The following PIK3CB variants were observed in gnomAD, a reference collection of about 807,000 sequenced individuals.
The protein encoded by PIK3CB is phosphatidylinositol-4,5-bisphosphate 3-kinase catalytic subunit beta.
PIK3CB carries 39 observed loss-of-function variants against 136.8 expected under a neutral mutation model. The observed-to-expected ratio is 0.29, with a 90% CI of 0.22 to 0.37. The LOEUF is 0.37. PIK3CB is among the 10% of genes least tolerant of loss of function. The probability of loss-of-function intolerance (pLI) is 1.00; values close to 1 mark genes in which losing one functional copy is unlikely to be tolerated. For synonymous variants in PIK3CB, 428 were observed against 436.6 expected (o/e 0.98, Z 0.25); for missense variants, 868 against 1,275.4 (o/e 0.68, Z 4.87).
At position 138,655,487 on chromosome 3, in the gene PIK3CB, T is replaced by C. The variant is rs2108382159; in HGVS notation, c.3115A>G (p.Lys1039Glu). 6.2e-7 allele frequency: 1 copy of C among 1,612,932 alleles called. No homozygotes were observed. The highest frequency in any genetic ancestry group is 8.5e-7 in the Non-Finnish European group (1 of 1,178,860). ...ALGKSEEEAL[K>E]QFKQKFDEAL... ...TCATCAAATTTTTGCTTAAACTGTT[T>C]GAGTGCTTCTTCTTCACTCTTCCCT... Residue 1039 changes from lysine (K) to glutamate (E), a missense_variant, in exon 24 of 24, where the codon AAA (lysine) becomes GAA (glutamate). Lys to Glu is a moderately conservative substitution (Grantham distance 56). This residue lies in a region of PIK3CB where 88 missense variants were observed against 147.8 expected (regional missense o/e 0.60). Transcript: ENST00000674063.
At position 138,755,753 on chromosome 3, in the gene PIK3CB, C is replaced by T. The variant is rs1452057850; in HGVS notation, c.397+1G>A. The T allele has an allele frequency of 2.8e-6, 4 of 1,428,526 alleles. No individual in the cohort carries two copies. The highest frequency in any genetic ancestry group is 2.0e-6 in the Non-Finnish European group (2 of 1,020,630). 88.5% of individuals were successfully genotyped at this position (1,428,526 alleles called of 1,614,324 possible). ...TACTTTTTTTTTATTTTTTAATTTA[C>T]CTTTTCCTATAAGGACTCCAATTTT... is the stretch of plus-strand genomic sequence containing the variant. On this transcript the variant is annotated splice_donor_variant, in intron 4 of 23. Coordinates refer to ENST00000674063, the MANE Select transcript of PIK3CB (RefSeq NM_006219.3). LOFTEE classifies it high-confidence loss of function.
intron 14 of PIK3CB, among the ~76,000 whole-genome samples, chr3:138,691,402 G>A (rs939853242): frequency 2.0e-5 from 3 of 152,124 alleles, no homozygotes; most frequent in African/African-American, 4.8e-5. Context: ...TTGTGATATG[G>A]TCTGGCTTTT....
At chr3:138,815,200 T>C (rs1036391246) in intron 1 of PIK3CB, among the ~76,000 whole-genome samples, 7 of 52,506 alleles carry the variant, frequency 1.3e-4, no homozygotes, top group African/African-American at 5.3e-4. Context: ...TACAAAAAAA[T>C]ACAAAAATTG....
rs542279911 is a variant in PIK3CB, at chr3:138,818,202, T to C, written c.-122+16493A>G. Among the ~76,000 whole-genome samples the C allele has an allele frequency of 1.1e-3, 171 of 152,300 alleles. 1 individual carries two copies. The highest frequency in any genetic ancestry group is 4.0e-3 in the African/African-American group (168 of 41,568). On this transcript the variant is annotated intron_variant, in intron 1 of 23. Coordinates refer to ENST00000674063, the MANE Select transcript of PIK3CB (RefSeq NM_006219.3). ...CCAGAGAATAAAATCATGGAGGTCC[T>C]GACTTCATGACTCCCTATTATTCAC...
intron 1 of PIK3CB, among the ~76,000 whole-genome samples, chr3:138,799,584 A>G (rs1664373753): frequency 6.6e-6 from 1 of 152,116 alleles, no homozygotes; most frequent in African/African-American, 2.4e-5. Flanking sequence ...TACAACTATG[A>G]ACTACTAAGA....
chr3:138,832,410 G>A (rs1428614689), intron 1 of PIK3CB, among the ~76,000 whole-genome samples: 1 of 151,960 alleles, frequency 6.6e-6, no homozygotes, highest in Non-Finnish European at 1.5e-5. Context: ...TTTTACTTTC[G>A]GCCGGTCGCG....
rs372172056 is a variant in PIK3CB at position 138,655,577 on chromosome 3, G to A, written c.3076-51C>T. ...TTTTATATAACTTTAGTAGAGATGT[G>A]CAAATATCAAAGTCTGCAGGAGGCT... On this transcript the variant is annotated intron_variant, in intron 23 of 23. Coordinates refer to ENST00000674063, the MANE Select transcript of PIK3CB (RefSeq NM_006219.3). The A allele has an allele frequency of 2.9e-5, 42 of 1,453,658 alleles. No homozygotes were observed. The African/African-American group carries it at 5.3e-4, about 18-fold the overall frequency. The allele number at this position is 1,453,658 out of a possible 1,614,324, so 90.0% of individuals were successfully genotyped here.
At chr3:138,748,381 T>TC (rs1343294337) in intron 4 of PIK3CB, among the ~76,000 whole-genome samples, 3 of 152,130 alleles carry the variant, frequency 2.0e-5, no homozygotes. Context: ...CCCTTTTTTT[T>TC]CACTGTAAAG....
At chr3:138,671,555 G>A (rs920874972) in intron 19 of PIK3CB, among the ~76,000 whole-genome samples, 1 of 152,228 alleles carries the variant, frequency 6.6e-6, no homozygotes, top group African/African-American at 2.4e-5. Context: ...TCTCACAGCA[G>A]TGGCTCAGGA....
intron 1 of PIK3CB, among the ~76,000 whole-genome samples, chr3:138,817,558 G>A (rs1933390616): frequency 6.6e-6 from 1 of 152,074 alleles, no homozygotes; most frequent in Non-Finnish European, 1.5e-5. Flanking sequence ...GTAGAGAAGA[G>A]CATTAATTAA....
At position 138,752,527 on chromosome 3, in the gene PIK3CB, TG is replaced by T. The variant is rs2045491597; in HGVS notation, c.397+3226del. Among the ~76,000 whole-genome samples the T allele has an allele frequency of 3.9e-5, 6 of 152,282 alleles. No homozygotes were observed. The East Asian group carries it at 1.2e-3, about 29-fold the overall frequency. On this transcript the variant is annotated intron_variant, in intron 4 of 23. Transcript: ENST00000674063. ...AAATAAATGTTAACATTTAAATTTG[TG>T]TATATAATCAAAATGCCAAAGAATA...
intron 2 of PIK3CB, among the ~76,000 whole-genome samples, chr3:138,781,838 C>T (rs2045927194): frequency 6.6e-6 from 1 of 152,128 alleles, no homozygotes; most frequent in Admixed American, 6.6e-5. Flanking sequence ...AAGAGGATCA[C>T]TTGACGCCAG....
At chr3:138,755,221 T>C (rs1559863831) in intron 4 of PIK3CB, among the ~76,000 whole-genome samples, 1 of 152,248 alleles carries the variant, frequency 6.6e-6, no homozygotes, top group Non-Finnish European at 1.5e-5. Context: ...AATATGTTCA[T>C]TCTATAGGAG....
At chr3:138,826,961 C>T (rs186860654) in intron 1 of PIK3CB, among the ~76,000 whole-genome samples, 6 of 152,006 alleles carry the variant, frequency 3.9e-5, no homozygotes, top group African/African-American at 1.2e-4. Flanking sequence ...CCCAGCTACT[C>T]GGGAGGCTGA....
At chr3:138,798,043 A>G (rs1027081292) in intron 1 of PIK3CB, among the ~76,000 whole-genome samples, 12 of 152,206 alleles carry the variant, frequency 7.9e-5, no homozygotes, top group African/African-American at 2.9e-4. Context: ...CACACTGTGC[A>G]AGGGGGAAGG....
chr3:138,711,559 AC>A (rs1417687096), intron 10 of PIK3CB, among the ~76,000 whole-genome samples: 1 of 146,474 alleles, frequency 6.8e-6, no homozygotes, highest in Non-Finnish European at 1.5e-5. Context: ...AGCCTGGGCA[AC>A]AAGAGCGAAA....
chr3:138,780,131 G>T (rs993966583), intron 2 of PIK3CB, among the ~76,000 whole-genome samples: 1 of 150,386 alleles, frequency 6.6e-6, no homozygotes, highest in Non-Finnish European at 1.5e-5. Context: ...CTAATTTTTG[G>T]TATTTTTAGT....
intron 1 of PIK3CB, among the ~76,000 whole-genome samples, chr3:138,815,877 GCA>G (rs1933302984): frequency 6.6e-6 from 1 of 152,168 alleles, no homozygotes; most frequent in Admixed American, 6.5e-5. Context: ...AAATAATTAC[GCA>G]CTTAGCCTGG....
At chr3:138,813,129 A>AAG (rs1553743488) in intron 1 of PIK3CB, among the ~76,000 whole-genome samples, 2 of 151,684 alleles carry the variant, frequency 1.3e-5, no homozygotes, top group Non-Finnish European at 2.9e-5. Context: ...AGAAAAAAAA[A>AAG]TTTTTTTAAT....
Sources: allele counts gnomAD v4.1 joint callset (sites outside exome capture counted in the v4.1 genomes callset), GRCh38; gene constraint gnomAD v4.1.1; regional missense constraint gnomAD v4.1.1; transcripts MANE v1.5; gene names NCBI Gene and HGNC (gene_info 2026-07-23, HGNC 2026-07-21).